The following CLSTN2 variants were observed in gnomAD, a reference collection of about 807,000 sequenced individuals.
CLSTN2 encodes the protein calsyntenin 2, also known as calsyntenin-2.
A neutral mutation model predicts 101.2 loss-of-function variants in CLSTN2; 48 were observed. The ratio of observed to expected loss-of-function variants is 0.47; its 90% CI spans 0.38 to 0.60. CLSTN2 has a LOEUF of 0.60. Among genes scored for constraint, CLSTN2 ranks in the 20% least tolerant of loss-of-function variants. The probability of loss-of-function intolerance (pLI) is 0.00; values close to 1 mark genes in which losing one functional copy is unlikely to be tolerated. For synonymous variants in CLSTN2, 481 were observed against 463.6 expected, an observed-to-expected ratio of 1.04 and a Z score of -0.48; for missense variants, 1,160 against 1,238.2, an observed-to-expected ratio of 0.94 and a Z score of 0.95.
chr3:139,944,561 T>C (rs1935186468), intron 1 of CLSTN2, among the ~76,000 whole-genome samples: 2 of 152,210 alleles, frequency 1.3e-5, no homozygotes, highest in African/African-American at 4.8e-5. Context: ...AAAGCTCCCA[T>C]TGCCACCTGT....
chr3:140,382,803 G>A (rs1326529165), intron 2 of CLSTN2, among the ~76,000 whole-genome samples: 1 of 152,200 alleles, frequency 6.6e-6, no homozygotes, highest in African/African-American at 2.4e-5. Flanking sequence ...CATGGCAGAA[G>A]TGGCAAGCAA....
At chr3:140,489,642 A>G (rs1934304623) in intron 8 of CLSTN2, among the ~76,000 whole-genome samples, 1 of 152,042 alleles carries the variant, frequency 6.6e-6, no homozygotes, top group African/African-American at 2.4e-5. Flanking sequence ...GGCCCATTCT[A>G]AAGATACTGG....
At chr3:140,161,592 C>T (rs2010047631) in intron 1 of CLSTN2, among the ~76,000 whole-genome samples, 1 of 152,134 alleles carries the variant, frequency 6.6e-6, no homozygotes, top group African/African-American at 2.4e-5. Flanking sequence ...AATCTTGTCA[C>T]TGCATTGATC....
intron 8 of CLSTN2, among the ~76,000 whole-genome samples, chr3:140,516,156 C>T (rs1934913559): frequency 6.6e-6 from 1 of 152,080 alleles, no homozygotes; most frequent in African/African-American, 2.4e-5. Context: ...ATAGCTACTC[C>T]TGCTCTGTTT....
chr3:140,281,262 T>A (rs1326430000), intron 2 of CLSTN2, among the ~76,000 whole-genome samples: 2 of 152,316 alleles, frequency 1.3e-5, no homozygotes, highest in East Asian at 3.9e-4. Flanking sequence ...TTAACAGATA[T>A]TTACTTAGTG....
At chr3:140,268,871 A>G (rs2086717620) in intron 2 of CLSTN2, among the ~76,000 whole-genome samples, 1 of 152,228 alleles carries the variant, frequency 6.6e-6, no homozygotes, top group Non-Finnish European at 1.5e-5. Flanking sequence ...GATAGAAACT[A>G]TAAGGCACCT....
Position 140,472,104 on chromosome 3 carries a change from G to C in CLSTN2, c.1344+5373G>C, listed in dbSNP as rs1933864262. Among the ~76,000 whole-genome samples, 6 of 152,012 alleles carry C rather than the reference G, an allele frequency of 3.9e-5. No homozygotes were observed. In the South Asian group the frequency reaches 1.3e-3, roughly 32 times the overall value. ...AGAATGCTAAACTCCCCGTATGAGG[G>C]GAGCTTCTCAGGTCCCCAGCAGCCC... On this transcript the variant is annotated intron_variant, in intron 8 of 16. Coordinates refer to ENST00000458420, the MANE Select transcript of CLSTN2 (RefSeq NM_022131.3).
intron 2 of CLSTN2, among the ~76,000 whole-genome samples, chr3:140,271,079 A>T (rs2086737986): frequency 6.6e-6 from 1 of 152,168 alleles, no homozygotes. Context: ...GGGGAGCCAC[A>T]TAATCACTTT....
chr3:140,051,388 A>G (rs1185963043), intron 1 of CLSTN2, among the ~76,000 whole-genome samples: 3 of 151,706 alleles, frequency 2.0e-5, no homozygotes, highest in African/African-American at 7.3e-5. Flanking sequence ...CATTGCTGAA[A>G]CCCTTCCTGC....
rs1304667625 is a variant in CLSTN2, at chr3:140,568,324, G to C, written c.*2071G>C. Reference sequence around the variant, plus strand: ...AGAAATTACACAAGAGACAAATGAAGAGGAAGAGAAGTCACAAGAGAAGAA... The same window carrying C: ...AGAAATTACACAAGAGACAAATGAACAGGAAGAGAAGTCACAAGAGAAGAA... On this transcript the variant is annotated 3_prime_UTR_variant, in exon 17 of 17. Coordinates refer to ENST00000458420, the MANE Select transcript of CLSTN2 (RefSeq NM_022131.3). 1 of 152,192 alleles carries C rather than the reference G, an allele frequency of 6.6e-6. No homozygotes were observed. Among genetic ancestry groups the C allele is most frequent in the African/African-American group, 2.4e-5 (1 of 41,450 alleles). 9.4% of individuals were successfully genotyped at this position (152,192 alleles called of 1,614,324 possible). A position where few individuals can be genotyped will look rare whatever the true frequency, so the allele number is the denominator to read the frequency against.
At chr3:140,501,125 A>AAATC (rs61048023) in intron 8 of CLSTN2, among the ~76,000 whole-genome samples, 1,661 of 152,164 alleles carry the variant, frequency 0.011, 36 homozygotes, top group African/African-American at 0.038. Flanking sequence ...CCTCATTCCC[A>AAATC]AATCAGTCAC....
chr3:140,416,776 C>T (rs112266313), intron 4 of CLSTN2, among the ~76,000 whole-genome samples: 3,875 of 152,292 alleles, frequency 0.025, 150 homozygotes, highest in African/African-American at 0.087. Context: ...GTGGAGGGAG[C>T]GGTAGGCTCT....
At chr3:139,973,915 G>T (rs1281642007) in intron 1 of CLSTN2, among the ~76,000 whole-genome samples, 1 of 152,136 alleles carries the variant, frequency 6.6e-6, no homozygotes, top group Admixed American at 6.5e-5. Context: ...GGGATTACAG[G>T]CATGAGCCAC....
chr3:140,479,654 C>G (rs996974383), intron 8 of CLSTN2, among the ~76,000 whole-genome samples: 6 of 152,064 alleles, frequency 3.9e-5, no homozygotes, highest in Non-Finnish European at 8.8e-5. Context: ...TGAAACTATA[C>G]AGAAATGTAA....
chr3:140,404,424 A>G lies in CLSTN2; in HGVS notation c.429-134A>G, dbSNP rs185948085. The G allele has an allele frequency of 4.5e-5, 33 of 741,532 alleles. 2 individuals carry two copies. The highest frequency in any genetic ancestry group is 7.6e-4 in the Middle Eastern group (2 of 2,644). The allele number at this position is 741,532 out of a possible 1,614,324, so 45.9% of individuals were successfully genotyped here. ...GTGAGAGGGAGGATGGGACACTCAG[A>G]CAACTGCCACAATTGGCTGATGGTT... On this transcript the variant is annotated intron_variant, in intron 3 of 16. Coordinates refer to ENST00000458420, the MANE Select transcript of CLSTN2 (RefSeq NM_022131.3).
chr3:140,562,328 C>A lies in CLSTN2; in HGVS notation c.2212+20C>A, dbSNP rs1429368258. On this transcript the variant is annotated intron_variant, in intron 13 of 16. Transcript: ENST00000458420. ...TCTACGGTAAGGCCACACTCAGCCC[C>A]CTTTGCCCCAAGGGTGTCCTCTTAG... 6.2e-7 allele frequency: 1 copy of A among 1,604,634 alleles called. No individual in the cohort carries two copies. The highest frequency in any genetic ancestry group is 1.7e-5 in the Admixed American group (1 of 59,364).
intron 2 of CLSTN2, among the ~76,000 whole-genome samples, chr3:140,335,175 T>C (rs1188005558): frequency 6.6e-6 from 1 of 152,174 alleles, no homozygotes; most frequent in Non-Finnish European, 1.5e-5. Flanking sequence ...GAGTAGTAAG[T>C]TGGACCCTGG....
intron 12 of CLSTN2, among the ~76,000 whole-genome samples, chr3:140,560,548 C>G (rs778711654): frequency 3.4e-5 from 5 of 148,314 alleles, no homozygotes; most frequent in Non-Finnish European, 7.4e-5. Context: ...TTTTTTAGCC[C>G]TTGGTGGTGA....
chr3:140,323,203 C>T (rs911600788), intron 2 of CLSTN2, among the ~76,000 whole-genome samples: 13 of 152,234 alleles, frequency 8.5e-5, no homozygotes, highest in Admixed American at 5.2e-4. Flanking sequence ...AGTGGGCTTC[C>T]GGGGTTCTTC....
Sources: allele counts gnomAD v4.1 joint callset (sites outside exome capture counted in the v4.1 genomes callset), GRCh38; gene constraint gnomAD v4.1.1; transcripts MANE v1.5; gene names NCBI Gene and HGNC (gene_info 2026-07-23, HGNC 2026-07-21).